Variants in ATP7B observed in about 807,000 individuals in gnomAD.
ATP7B encodes ATPase copper transporting beta, also known as copper-transporting ATPase 2.
In ATP7B, 113 loss-of-function variants were observed where a neutral mutation model predicts 118.9. That is an observed-to-expected ratio of 0.95 (90% CI 0.82 to 1.11). The LOEUF is 1.11. Among genes scored for constraint, ATP7B ranks in the 50% most tolerant of loss-of-function variants. The pLI, the probability that ATP7B is intolerant of heterozygous loss-of-function variation, is 0.00. For synonymous variants in ATP7B, 777 were observed against 727.4 expected (o/e 1.07, Z -1.10); for missense variants, 1,867 against 1,871.4 (o/e 1.00, Z 0.04).
intron 16 of ATP7B, 105 bp from the exon 17 acceptor site, chr13:51,939,298 A>G: frequency 6.6e-7 from 1 of 1,518,084 alleles, no homozygotes. Context: ...TGCAAAAAAC[A>G]AAACATCAAA....
intron 13 of ATP7B, among the ~76,000 whole-genome samples, chr13:51,944,774 A>G (rs568094704): frequency 6.6e-6 from 1 of 152,350 alleles, no homozygotes; most frequent in South Asian, 2.1e-4. Flanking sequence ...TTCTATGGCC[A>G]TAATGACAAA....
rs906487353 is a variant in ATP7B at position 51,934,367 on chromosome 13, A to C, written c.*389T>G. 1.8e-5 allele frequency: 6 copies of C among 333,140 alleles called. No individual in the cohort carries two copies. Among genetic ancestry groups the C allele is most frequent in the African/African-American group, 1.3e-4 (6 of 47,004 alleles). The allele number at this position is 333,140 out of a possible 1,614,324, so 20.6% of individuals were successfully genotyped here. On this transcript the variant is annotated 3_prime_UTR_variant, in exon 21 of 21. Coordinates refer to ENST00000242839, the MANE Select transcript of ATP7B (RefSeq NM_000053.4). ...GAAAGACCCTGACAGTGAGGTCTGC[A>C]GTTCTCTGGAAAGGCCCAGTGAGGT...
chr13:51,958,859 T>C, intron 7 of ATP7B: 1 of 415,168 alleles, frequency 2.4e-6, no homozygotes, highest in Middle Eastern at 7.4e-4. Flanking sequence ...GCACAAGGCA[T>C]TCCATTCCCT....
At position 51,966,752 on chromosome 13, in the gene ATP7B, T is replaced by G. The variant is rs1951570116; in HGVS notation, c.1707+1692A>C. ...CCGCCCGCACCCACCATGGCCACAG[T>G]TCAGCAGCTGGAAGGAAGATGGCGC... On this transcript the variant is annotated intron_variant, in intron 4 of 20. Transcript: ENST00000242839. 4 of 1,588,526 alleles carry G rather than the reference T, an allele frequency of 2.5e-6. No homozygotes were observed. In the South Asian group the frequency reaches 3.4e-5, roughly 13 times the overall value.
intron 9 of ATP7B, among the ~76,000 whole-genome samples, chr13:51,955,648 C>T (rs542423978): frequency 1.3e-5 from 2 of 152,304 alleles, no homozygotes; most frequent in South Asian, 2.1e-4. Context: ...ATCAGAGGCG[C>T]CTCAAACTGT....
intron 9 of ATP7B, 133 bp downstream of exon 9, chr13:51,957,383 G>A (rs1290244375): frequency 2.5e-5 from 23 of 914,842 alleles, no homozygotes; most frequent in Middle Eastern, 4.4e-4. Flanking sequence ...GCTGGATTGA[G>A]AGTGGTGATC....
At chr13:51,962,404 A>G (rs1464473474) in intron 5 of ATP7B, among the ~76,000 whole-genome samples, 1 of 152,194 alleles carries the variant, frequency 6.6e-6, no homozygotes, top group Non-Finnish European at 1.5e-5. Flanking sequence ...CAGAGCCTAC[A>G]CCGCAATCTT....
rs1952039389 is a variant in ATP7B at position 51,975,067 on chromosome 13, C to T, written c.153G>A (p.Leu51=). The T allele has an allele frequency of 2.5e-6, 4 of 1,614,122 alleles. No individual in the cohort carries two copies. The highest frequency in any genetic ancestry group is 1.3e-5 in the African/African-American group (1 of 74,944). The change falls in exon 2 of 21, where the codon CTG becomes CTA. Residue 51 remains leucine (L), a synonymous_variant. Coordinates refer to ENST00000242839, the MANE Select transcript of ATP7B (RefSeq NM_000053.4). The part of the protein sequence containing the change: ...NVGYEGGLDG[L]GPSSQVATST... The stretch of plus-strand genomic sequence containing the variant: ...TGGTGGCCACCTGAGAAGAAGGGCC[C>T]AGGCCATCCAGACCACCTTCATAGC...
chr13:51,939,534 C>T (rs1052031231), intron 16 of ATP7B, among the ~76,000 whole-genome samples: 3 of 152,204 alleles, frequency 2.0e-5, no homozygotes, highest in Admixed American at 2.0e-4. Flanking sequence ...ATTCAATACA[C>T]ATTAGCTACT....
intron 3 of ATP7B, 94 bp from the exon 4 acceptor site, chr13:51,968,701 C>A: frequency 6.9e-7 from 1 of 1,453,340 alleles, no homozygotes; most frequent in South Asian, 1.2e-5. Context: ...CACATCTTCC[C>A]AGAATCCTCT....
intron 1 of ATP7B, 25 bp downstream of exon 1, chr13:52,011,262 G>A: frequency 6.2e-7 from 1 of 1,614,166 alleles, no homozygotes; most frequent in East Asian, 2.2e-5. Flanking sequence ...AGCACGCTGC[G>A]CGGACGCGGG....
rs138030521 is a variant in ATP7B at position 51,976,726 on chromosome 13, C to A, written c.52-1558G>T. Among the ~76,000 whole-genome samples, 85 of 152,300 alleles carry A rather than the reference C, an allele frequency of 5.6e-4. 1 individual carries two copies. Among genetic ancestry groups the A allele is most frequent in the South Asian group, 2.1e-3 (10 of 4,830 alleles). ...GTACAGCATGTTACTGTACTGAATA[C>A]TGTAGGCAATTGTAACACAATGGTA... is the stretch of plus-strand genomic sequence containing the variant. On this transcript the variant is annotated intron_variant, in intron 1 of 20. Transcript: ENST00000242839.
intron 1 of ATP7B, among the ~76,000 whole-genome samples, chr13:52,006,019 A>T (rs1953751773): frequency 6.6e-6 from 1 of 152,262 alleles, no homozygotes; most frequent in South Asian, 2.1e-4. Flanking sequence ...AACCACAAAC[A>T]GCATGAGCGA....
intron 1 of ATP7B, chr13:51,975,476 A>G: frequency 1.8e-6 from 1 of 551,532 alleles, no homozygotes. Context: ...TATGGAATGC[A>G]GCACGGCTGG....
At chr13:51,965,293 C>T (rs2139790105) in intron 4 of ATP7B, among the ~76,000 whole-genome samples, 1 of 152,288 alleles carries the variant, frequency 6.6e-6, no homozygotes, top group Non-Finnish European at 1.5e-5. Context: ...CAGACCAAGG[C>T]TTGACTTCCG....
At position 51,944,291 on chromosome 13, in the gene ATP7B, T is replaced by C. The variant is rs776490710; in HGVS notation, c.3061A>G (p.Ile1021Val). 98 of 1,613,712 alleles carry C rather than the reference T, an allele frequency of 6.1e-5. No homozygotes were observed. Among genetic ancestry groups the C allele is most frequent in the Non-Finnish European group, 8.1e-5 (96 of 1,180,002 alleles). ...GGKPLEMAHK[I>V]KTVMFDKTGT... The stretch of plus-strand genomic sequence containing the variant: ...GTCTTGTCAAACATCACAGTCTTTA[T>C]CTGCCAAAAACAACCACAACTCACT... The change falls in exon 14 of 21, where the codon ATA (isoleucine) becomes GTA (valine). Residue 1021 changes from isoleucine to valine, a missense_variant and splice_region_variant. Coordinates refer to ENST00000242839, the MANE Select transcript of ATP7B (RefSeq NM_000053.4).
At chr13:52,009,561 T>A (rs901677271) in intron 1 of ATP7B, among the ~76,000 whole-genome samples, 2 of 152,236 alleles carry the variant, frequency 1.3e-5, no homozygotes, top group Non-Finnish European at 2.9e-5. Flanking sequence ...CACCTTGCCT[T>A]CCTTTGAGAT....
intron 1 of ATP7B, among the ~76,000 whole-genome samples, chr13:52,006,028 G>A (rs752054923): frequency 4.6e-5 from 7 of 152,218 alleles, no homozygotes; most frequent in South Asian, 2.1e-4. Flanking sequence ...CAGCATGAGC[G>A]ATCTGTGCCT....
intron 1 of ATP7B, among the ~76,000 whole-genome samples, chr13:51,987,184 C>A (rs1463414421): frequency 9.2e-5 from 14 of 152,182 alleles, no homozygotes; most frequent in Non-Finnish European, 1.5e-5. Flanking sequence ...CATCTCAGCC[C>A]AAAATCTCCT....
Sources: gnomAD v4.1 joint callset for allele counts (sites outside exome capture counted in the v4.1 genomes callset) on GRCh38, gnomAD v4.1.1 for gene constraint, MANE v1.5 for transcripts, NCBI Gene and HGNC (gene_info 2026-07-23, HGNC 2026-07-21) for gene names.